ZNF445: variants seen among roughly 807,000 people sequenced by gnomAD.
ZNF445 encodes the protein zinc finger protein 445.
Under a neutral mutation model 93.9 loss-of-function variants are expected in ZNF445, and 19 were observed. That is an observed-to-expected ratio of 0.20 (90% CI 0.14 to 0.30). The LOEUF is 0.30. Ranked by LOEUF, ZNF445 falls within the 10% of genes least tolerant of loss-of-function variation. The pLI, the probability that ZNF445 is intolerant of heterozygous loss-of-function variation, is 1.00. For missense variants in ZNF445, 1,058 were observed against 1,259.4 expected, an observed-to-expected ratio of 0.84 and a Z score of 2.42; for synonymous variants, 449 against 446.3, an observed-to-expected ratio of 1.01 and a Z score of -0.08.
At chr3:44,468,852 A>G (rs1025236890) in intron 1 of ZNF445, among the ~76,000 whole-genome samples, 1 of 152,072 alleles carries the variant, frequency 6.6e-6, no homozygotes, top group Non-Finnish European at 1.5e-5. Flanking sequence ...ATAAAACCCC[A>G]GTCTCCCACA....
intron 1 of ZNF445, among the ~76,000 whole-genome samples, chr3:44,458,917 T>C (rs979720369): frequency 1.3e-5 from 2 of 152,232 alleles, no homozygotes; most frequent in African/African-American, 4.8e-5. Context: ...ACAGCCTGAA[T>C]GTCCCCACTC....
rs1479028281 is a variant in ZNF445, at chr3:44,441,328, C to T, written c.*5247G>A. On this transcript the variant is annotated 3_prime_UTR_variant, in exon 8 of 8. Transcript: ENST00000396077. ...GGACAACCAGAGGTCACTTTCATTG[C>T]CATCTTGGTTTTGACCGGCTTCTTT... is the stretch of plus-strand genomic sequence containing the variant. 2 of 152,230 alleles carry T rather than the reference C, an allele frequency of 1.3e-5. No homozygotes were observed. Among genetic ancestry groups the T allele is most frequent in the African/African-American group, 4.8e-5 (2 of 41,458 alleles). 9.4% of individuals were successfully genotyped at this position (152,230 alleles called of 1,614,324 possible). A position where few individuals can be genotyped will look rare whatever the true frequency, so the allele number is the denominator to read the frequency against.
intron 1 of ZNF445, among the ~76,000 whole-genome samples, chr3:44,465,189 T>G: frequency 6.6e-6 from 1 of 151,818 alleles, no homozygotes; most frequent in East Asian, 1.9e-4. Context: ...ACATACAAGG[T>G]GTGTAGGAAA....
At chr3:44,466,723 GATTA>G (rs921550275) in intron 1 of ZNF445, among the ~76,000 whole-genome samples, 4 of 152,246 alleles carry the variant, frequency 2.6e-5, no homozygotes, top group East Asian at 1.9e-4. Context: ...GCAGGATTCT[GATTA>G]ATTAACTCTG....
In ZNF445 at chr3:44,446,242, T is replaced by C. The variant is rs1355014438; in HGVS notation, c.*333A>G. 1.0e-5 allele frequency: 3 copies of C among 300,334 alleles called. No individual in the cohort carries two copies. The highest frequency in any genetic ancestry group is 8.1e-5 in the South Asian group (2 of 24,554). 18.6% of individuals were successfully genotyped at this position (300,334 alleles called of 1,614,324 possible). ...GCCATAGCCCATGATGCCACAGATA[T>C]TCTGTCCAACCACAAAGGGCAGTGG... On this transcript the variant is annotated 3_prime_UTR_variant, in exon 8 of 8. Transcript: ENST00000396077. This position sits in a 1 kb window ranked among gnomAD's most constrained non-coding sequence, Gnocchi z 4.2.
chr3:44,466,954 A>G (rs1448076838), intron 1 of ZNF445, among the ~76,000 whole-genome samples: 1 of 152,160 alleles, frequency 6.6e-6, no homozygotes, highest in Non-Finnish European at 1.5e-5. Flanking sequence ...TAGCTTTCAT[A>G]GTGGCTATAC....
intron 1 of ZNF445, among the ~76,000 whole-genome samples, chr3:44,459,708 A>G (rs1698082580): frequency 6.6e-6 from 1 of 152,238 alleles, no homozygotes. Context: ...GGGCTTATGC[A>G]TACATATATA....
At position 44,447,090 on chromosome 3, in the gene ZNF445, T is replaced by G; in HGVS notation, c.2581A>C (p.Ile861Leu). The change falls in exon 8 of 8, where the codon ATA (isoleucine) becomes CTA (leucine). Residue 861 changes from isoleucine to leucine, a missense_variant. By Grantham distance (5) the Ile-to-Leu change is conservative (BLOSUM62 2). This residue lies in a region of ZNF445 where 387 missense variants were observed against 475.7 expected (regional missense o/e 0.81). Coordinates refer to ENST00000396077, the MANE Select transcript of ZNF445 (RefSeq NM_181489.6). The surrounding 1 kb of genome is among the most constrained non-coding windows in gnomAD (Gnocchi z 4.7). ...RKRTLLDHKG[I>L]HSGEKRYKCN... ...TTATAGCGCTTCTCTCCACTGTGTA[T>G]TCCCTTATGATCTAAAAGGGTTCTT... is the stretch of plus-strand genomic sequence containing the variant. 2 of 1,614,232 alleles carry G rather than the reference T, an allele frequency of 1.2e-6. No homozygotes were observed. The highest frequency in any genetic ancestry group is 1.1e-5 in the South Asian group (1 of 91,086).
In ZNF445 at chr3:44,435,398, G is replaced by C. The variant is rs750092442; in HGVS notation, c.*11177C>G. 2.6e-5 allele frequency: 4 copies of C among 152,176 alleles called. No homozygotes were observed. The highest frequency in any genetic ancestry group is 9.7e-5 in the African/African-American group (4 of 41,440). The allele number at this position is 152,176 out of a possible 1,614,324, so 9.4% of individuals were successfully genotyped here. Reference sequence around the variant, plus strand: ...CTGCAAACCAGTTGTCAGACGTATCGTTTGCTCAGCACTGAAACCACATGT... The same window carrying C: ...CTGCAAACCAGTTGTCAGACGTATCCTTTGCTCAGCACTGAAACCACATGT... On this transcript the variant is annotated 3_prime_UTR_variant, in exon 8 of 8. Coordinates refer to ENST00000396077, the MANE Select transcript of ZNF445 (RefSeq NM_181489.6).
At chr3:44,469,464 G>A (rs1029078063) in intron 1 of ZNF445, among the ~76,000 whole-genome samples, 6 of 152,174 alleles carry the variant, frequency 3.9e-5, no homozygotes, top group African/African-American at 1.4e-4. Context: ...GCTGATTCAT[G>A]CACTCAGAAA....
rs1043129021 is a variant in ZNF445 at position 44,449,559 on chromosome 3, G to A, written c.885C>T (p.Asn295=). The part of the protein sequence containing the change: ...WLEAREPWGL[N]MQAAQPKGNP... ...TCCCCTTAGGCTGAGCTGCCTGCAT[G>A]TTCAGGCCCCATGGCTCCCTTGCTT... Residue 295 remains asparagine (N), a synonymous_variant, in exon 7 of 8, where the codon AAC becomes AAT. Transcript: ENST00000396077. The A allele has an allele frequency of 6.2e-6, 10 of 1,614,068 alleles. No individual in the cohort carries two copies. In the African/African-American group the frequency reaches 9.3e-5, roughly 15 times the overall value.
At position 44,452,045 on chromosome 3, in the gene ZNF445, AC is replaced by A. The variant is rs200338913; in HGVS notation, c.430-564del. On this transcript the variant is annotated intron_variant, in intron 3 of 7. Transcript: ENST00000396077. ...GCTAATCATGAGAGTCAGCCATGGA[AC>A]CATAGAAGAAAGTCTCCAGTGTAAA... is the stretch of plus-strand genomic sequence containing the variant. 4.3e-4 allele frequency among the ~76,000 whole-genome samples: 65 copies of A among 152,336 alleles called. No homozygotes were observed. In the East Asian group the frequency reaches 7.5e-3, roughly 18 times the overall value.
At position 44,446,820 on chromosome 3, in the gene ZNF445, G is replaced by C. The variant is rs1297302060; in HGVS notation, c.2851C>G (p.Pro951Ala). 1 of 1,614,032 alleles carries C rather than the reference G, an allele frequency of 6.2e-7. No homozygotes were observed. Among genetic ancestry groups the C allele is most frequent in the Non-Finnish European group, 8.5e-7 (1 of 1,180,056 alleles). The change falls in exon 8 of 8, where the codon CCC becomes GCC. Residue 951 changes from proline to alanine, a missense_variant. Physicochemically the swap from Pro to Ala is conservative, Grantham distance 27. This residue lies in a region of ZNF445 where 387 missense variants were observed against 475.7 expected (regional missense o/e 0.81). Coordinates refer to ENST00000396077, the MANE Select transcript of ZNF445 (RefSeq NM_181489.6). The surrounding 1 kb of genome is among the most constrained non-coding windows in gnomAD (Gnocchi z 4.2). ...LQKLKPSEEM[P>A]LEDCKEACSQ... ...CAAGCTTCTTTGCAGTCTTCGAGGG[G>C]CATCTCTTCACTTGGTTTTAGCTTC...
At chr3:44,466,180 T>A (rs1156673500) in intron 1 of ZNF445, among the ~76,000 whole-genome samples, 1 of 152,206 alleles carries the variant, frequency 6.6e-6, no homozygotes, top group East Asian at 1.9e-4. Context: ...TTTTTCTTTT[T>A]TAAAAAAAAT....
In ZNF445 at chr3:44,447,629, A is replaced by T. The variant is rs776793853; in HGVS notation, c.2042T>A (p.Phe681Tyr). 8.1e-6 allele frequency: 13 copies of T among 1,613,980 alleles called. No individual in the cohort carries two copies. The South Asian group carries it at 1.4e-4, about 18-fold the overall frequency. ...PQGAPAVEKT[F>Y]LCQQCGKTFT... is the part of the protein sequence containing the mutation. ...AGTTTTCCCACACTGCTGACACAGAAATGTTTTCTCCACAGCGGGAGCACC... is the reference window on the plus strand; with the variant it reads ...AGTTTTCCCACACTGCTGACACAGATATGTTTTCTCCACAGCGGGAGCACC... The change falls in exon 8 of 8, where the codon TTT becomes TAT. Residue 681 changes from phenylalanine to tyrosine, a missense_variant. This residue lies in a region of ZNF445 where 387 missense variants were observed against 475.7 expected (regional missense o/e 0.81). Coordinates refer to ENST00000396077, the MANE Select transcript of ZNF445 (RefSeq NM_181489.6). The surrounding 1 kb of genome is among the most constrained non-coding windows in gnomAD (Gnocchi z 4.7).
At chr3:44,453,694 G>A (rs371178906) in intron 3 of ZNF445, among the ~76,000 whole-genome samples, 6 of 152,312 alleles carry the variant, frequency 3.9e-5, no homozygotes, top group African/African-American at 1.4e-4. Flanking sequence ...CTGTGTGCAG[G>A]AGAAGGGCAG....
intron 2 of ZNF445, among the ~76,000 whole-genome samples, chr3:44,457,873 C>T (rs1193186364): frequency 1.3e-5 from 2 of 151,828 alleles, no homozygotes; most frequent in Non-Finnish European, 2.9e-5. Flanking sequence ...ATTAGCTGGG[C>T]GTGATGGCAT....
At position 44,445,924 on chromosome 3, in the gene ZNF445, G is replaced by A. The variant is rs959981154; in HGVS notation, c.*651C>T. ...TCTGTTAAACAGATGGACCGCTGCT[G>A]CCTATGCAGGCCTGTGGGATGGGGA... On this transcript the variant is annotated 3_prime_UTR_variant, in exon 8 of 8. Transcript: ENST00000396077. The A allele has an allele frequency of 1.3e-5, 2 of 152,962 alleles. No homozygotes were observed. Among genetic ancestry groups the A allele is most frequent in the Admixed American group, 1.3e-4 (2 of 15,306 alleles). The allele number at this position is 152,962 out of a possible 1,614,324, so 9.5% of individuals were successfully genotyped here.
At position 44,438,365 on chromosome 3, in the gene ZNF445, G is replaced by A. The variant is rs1697731684; in HGVS notation, c.*8210C>T. On this transcript the variant is annotated 3_prime_UTR_variant, in exon 8 of 8. Coordinates refer to ENST00000396077, the MANE Select transcript of ZNF445 (RefSeq NM_181489.6). Reference sequence around the variant, plus strand: ...AATAGAGATGGGGTTTCACCATATTGGCCAGGCTGGCTGGTCTCAATCTCC... The same window carrying A: ...AATAGAGATGGGGTTTCACCATATTAGCCAGGCTGGCTGGTCTCAATCTCC... 1 of 151,848 alleles carries A rather than the reference G, an allele frequency of 6.6e-6. No homozygotes were observed. Among genetic ancestry groups the A allele is most frequent in the Non-Finnish European group, 1.5e-5 (1 of 67,974 alleles). The allele number at this position is 151,848 out of a possible 1,614,324, so 9.4% of individuals were successfully genotyped here.
Sources: allele counts gnomAD v4.1 joint callset (sites outside exome capture counted in the v4.1 genomes callset), GRCh38; gene constraint gnomAD v4.1.1; regional missense constraint gnomAD v4.1.1; non-coding constraint Gnocchi (gnomAD v3.1); transcripts MANE v1.5; gene names NCBI Gene and HGNC (gene_info 2026-07-23, HGNC 2026-07-21).